Variants in NRG1 observed in about 807,000 individuals in gnomAD.
The protein encoded by NRG1 is neuregulin 1, also known as pro-neuregulin-1, membrane-bound isoform.
A neutral mutation model predicts 63.8 loss-of-function variants in NRG1; 18 were observed. The ratio of observed to expected loss-of-function variants is 0.28; its 90% CI spans 0.19 to 0.42. The LOEUF (loss-of-function observed/expected upper bound fraction) is 0.42, where lower values mean the gene tolerates loss of function less well. Ranked by LOEUF, NRG1 falls within the 10% of genes least tolerant of loss-of-function variation. The pLI, the probability that NRG1 is intolerant of heterozygous loss-of-function variation, is 1.00. For missense variants in NRG1, 762 were observed against 814.7 expected, an observed-to-expected ratio of 0.94 and a Z score of 0.79; for synonymous variants, 302 against 301.3, an observed-to-expected ratio of 1.00 and a Z score of -0.02.
intron 1 of NRG1, among the ~76,000 whole-genome samples, chr8:32,259,028 C>T (rs2129471377): frequency 6.6e-6 from 1 of 152,260 alleles, no homozygotes; most frequent in East Asian, 1.9e-4. Context: ...AATAAGAGAC[C>T]TGCAAATACT....
intron 1 of NRG1, among the ~76,000 whole-genome samples, chr8:32,527,496 A>C (rs1289378683): frequency 6.7e-6 from 1 of 149,250 alleles, no homozygotes; most frequent in Non-Finnish European, 1.5e-5. Context: ...AATAATAGAC[A>C]TTGGAGACTC....
intron 1 of NRG1, among the ~76,000 whole-genome samples, chr8:31,962,095 A>G (rs377317940): frequency 1.2e-3 from 179 of 152,322 alleles, no homozygotes; most frequent in Middle Eastern, 6.8e-3. Flanking sequence ...CAAACCGTGT[A>G]GAAATAACTA....
intron 1 of NRG1, among the ~76,000 whole-genome samples, chr8:31,988,013 G>A (rs186734443): frequency 9.2e-5 from 14 of 152,176 alleles, no homozygotes; most frequent in Non-Finnish European, 1.8e-4. Flanking sequence ...TTTCATTTCG[G>A]TGCTTGTTCG....
intron 1 of NRG1, among the ~76,000 whole-genome samples, chr8:32,433,962 C>A (rs184145754): frequency 9.2e-5 from 14 of 151,982 alleles, no homozygotes; most frequent in African/African-American, 2.9e-4. Flanking sequence ...CCTTGGTGGG[C>A]GGATCCTGAG....
At chr8:32,581,647 T>C (rs575660169) in intron 1 of NRG1, among the ~76,000 whole-genome samples, 1 of 152,326 alleles carries the variant, frequency 6.6e-6, no homozygotes, top group African/African-American at 2.4e-5. Context: ...TATAGAAACA[T>C]GGAAGAGGGA....
chr8:31,939,802 G>C (rs548887492), intron 1 of NRG1, among the ~76,000 whole-genome samples: 2 of 152,094 alleles, frequency 1.3e-5, no homozygotes, highest in Non-Finnish European at 2.9e-5. Flanking sequence ...TACAGCAACA[G>C]CAGTTTAAAA....
chr8:32,598,738 G>A (rs1449015003), intron 2 of NRG1, among the ~76,000 whole-genome samples: 2 of 152,000 alleles, frequency 1.3e-5, no homozygotes, highest in Admixed American at 6.6e-5. Context: ...CTTGAGAAGC[G>A]ATCATCTTAT....
chr8:31,801,034 AG>A (rs902321561), intron 1 of NRG1, among the ~76,000 whole-genome samples: 1 of 150,134 alleles, frequency 6.7e-6, no homozygotes, highest in African/African-American at 2.5e-5. Context: ...TTTTTAGTAG[AG>A]ACGGGGTTTC....
chr8:31,758,870 T>C (rs545324885), intron 1 of NRG1, among the ~76,000 whole-genome samples: 3 of 152,300 alleles, frequency 2.0e-5, no homozygotes, highest in Non-Finnish European at 2.9e-5. Context: ...TATACCATTC[T>C]TCACTACCTG....
chr8:32,738,606 G>A (rs77900751), intron 6 of NRG1, among the ~76,000 whole-genome samples: 4,586 of 152,250 alleles, frequency 0.03, 299 homozygotes, highest in East Asian at 0.28. Flanking sequence ...GAAAGTGATG[G>A]ATTGAATGTT....
At chr8:32,090,068 T>C (rs561705955) in intron 1 of NRG1, among the ~76,000 whole-genome samples, 1 of 152,296 alleles carries the variant, frequency 6.6e-6, no homozygotes, top group South Asian at 2.1e-4. Context: ...AGCATAAATC[T>C]ATCAACAGCC....
intron 1 of NRG1, among the ~76,000 whole-genome samples, chr8:32,392,648 T>C (rs1811922491): frequency 1.3e-5 from 2 of 152,236 alleles, no homozygotes; most frequent in African/African-American, 4.8e-5. Context: ...TTTGGAATAT[T>C]ATCCAGCAGA....
chr8:32,307,173 G>T (rs2129475641), intron 1 of NRG1, among the ~76,000 whole-genome samples: 1 of 152,222 alleles, frequency 6.6e-6, no homozygotes. Context: ...ACCACTCTAT[G>T]GAAATAACGT....
At chr8:32,450,517 A>G (rs1455253734) in intron 1 of NRG1, among the ~76,000 whole-genome samples, 1 of 152,152 alleles carries the variant, frequency 6.6e-6, no homozygotes, top group Admixed American at 6.5e-5. Context: ...CCAGGCTCAA[A>G]CAATCCTCCC....
chr8:31,687,106 G>A (rs1228474598), intron 1 of NRG1, among the ~76,000 whole-genome samples: 3 of 151,610 alleles, frequency 2.0e-5, no homozygotes, highest in Admixed American at 6.6e-5. Flanking sequence ...AGGAAATTAG[G>A]TTTTGGTACC....
At chr8:31,903,873 TGA>T (rs1184829064) in intron 1 of NRG1, among the ~76,000 whole-genome samples, 1 of 152,086 alleles carries the variant, frequency 6.6e-6, no homozygotes, top group Non-Finnish European at 1.5e-5. Flanking sequence ...GAGGATCATT[TGA>T]ACCCTGCAGA....
intron 1 of NRG1, among the ~76,000 whole-genome samples, chr8:32,200,667 A>T (rs1243663280): frequency 1.3e-5 from 2 of 152,212 alleles, no homozygotes; most frequent in Non-Finnish European, 2.9e-5. Context: ...TCAGATAGAA[A>T]GCTGTCTTTT....
intron 5 of NRG1, among the ~76,000 whole-genome samples, chr8:32,723,377 TAAAC>T (rs1821144619): frequency 6.6e-6 from 1 of 152,082 alleles, no homozygotes; most frequent in South Asian, 2.1e-4. Flanking sequence ...TTGCACATAA[TAAAC>T]AGTCACTAAA....
chr8:31,644,698 G>A (rs748044325), intron 1 of NRG1, among the ~76,000 whole-genome samples: 63 of 151,962 alleles, frequency 4.1e-4, no homozygotes, highest in Non-Finnish European at 1.3e-4. Flanking sequence ...CCTTTGCTTC[G>A]ATACCTATTT....
Sources: gnomAD v4.1 joint callset for allele counts (sites outside exome capture counted in the v4.1 genomes callset) on GRCh38, gnomAD v4.1.1 for gene constraint, MANE v1.5 for transcripts, NCBI Gene and HGNC (gene_info 2026-07-23, HGNC 2026-07-21) for gene names.